OR6J1: variants seen among roughly 807,000 people sequenced by gnomAD.
The protein encoded by OR6J1 is olfactory receptor 6J1.
For missense variants in OR6J1, 304 were observed against 166.8 expected, an observed-to-expected ratio of 1.82 and a Z score of -4.53; for synonymous variants, 109 against 70.0, an observed-to-expected ratio of 1.56 and a Z score of -2.78.
intron 1 of OR6J1, 61 bp downstream of exon 1, chr14:22,644,037 T>A (rs2037672682): frequency 6.6e-6 from 1 of 152,294 alleles, no homozygotes; most frequent in Non-Finnish European, 1.5e-5. Flanking sequence ...CACCTGAGAT[T>A]ATAACAGGAA....
chr14:22,643,631 A>C (rs2037667093), intron 1 of OR6J1, among the ~76,000 whole-genome samples: 1 of 151,498 alleles, frequency 6.6e-6, no homozygotes, highest in Non-Finnish European at 1.5e-5. Context: ...AGCATGGATC[A>C]TTGCCAAGGA....
chr14:22,642,969 A>ATTTTTTT (rs776883380), intron 1 of OR6J1, among the ~76,000 whole-genome samples: 1 of 140,044 alleles, frequency 7.1e-6, no homozygotes. Context: ...CACCTGGATA[A>ATTTTTTT]TTTTTTTTTT....
rs72679812 is a variant in OR6J1 at position 22,631,343 on chromosome 14, A to G, written c.*2425T>C. ...AGTCTACAGACCATAAAAGACGGGC[A>G]CGCCCAGGGGGGCCGTCTATAGGAC... On this transcript the variant is annotated 3_prime_UTR_variant, in exon 2 of 2. Transcript: ENST00000540461. 35,304 of 151,404 alleles carry G rather than the reference A, an allele frequency of 0.23. 4,489 individuals are homozygous for G. The highest frequency in any genetic ancestry group is 0.33 in the African/African-American group (13,470 of 41,224). The allele number at this position is 151,404 out of a possible 1,614,324, so 9.4% of individuals were successfully genotyped here.
chr14:22,639,115 C>T (rs1367058211), intron 1 of OR6J1, among the ~76,000 whole-genome samples: 2 of 82,110 alleles, frequency 2.4e-5, no homozygotes, highest in East Asian at 3.0e-4. Context: ...AGTGAGGAGC[C>T]CCTCCGCCCG....
In OR6J1 at chr14:22,633,792, G is replaced by A. The variant is rs890842265; in HGVS notation, c.1020C>T (p.Val340=). The change falls in exon 2 of 2, where the codon GTC becomes GTT. Residue 340 remains valine, a synonymous_variant. Coordinates refer to ENST00000540461, the MANE Select transcript of OR6J1 (RefSeq NM_001348233.2). Reference sequence around the variant, plus strand: ...TCTAACACTGGAGCTTTACAGAATAGACACATGGTGGAGAAGAGCAAGCCC... The same window carrying A: ...TCTAACACTGGAGCTTTACAGAATAAACACATGGTGGAGAAGAGCAAGCCC... The part of the protein sequence containing the change: ...QGRACSSPPC[V]YSVKLQC 2 of 694,594 alleles carry A rather than the reference G, an allele frequency of 2.9e-6. No homozygotes were observed. Among genetic ancestry groups the A allele is most frequent in the African/African-American group, 3.5e-5 (2 of 57,006 alleles). The allele number at this position is 694,594 out of a possible 1,614,324, so 43.0% of individuals were successfully genotyped here.
At chr14:22,637,064 C>A (rs1277336332) in intron 1 of OR6J1, among the ~76,000 whole-genome samples, 1 of 121,688 alleles carries the variant, frequency 8.2e-6, no homozygotes, top group Non-Finnish European at 1.6e-5. Flanking sequence ...TCTGCCCCGC[C>A]GCCCTGTCTG....
At chr14:22,641,614 T>C (rs557158552) in intron 1 of OR6J1, among the ~76,000 whole-genome samples, 82 of 147,108 alleles carry the variant, frequency 5.6e-4, no homozygotes, top group African/African-American at 1.8e-3. Context: ...TATATATATA[T>C]ACATAGTTGG....
Position 22,631,778 on chromosome 14 carries a change from C to A in OR6J1, c.*1990G>T. On this transcript the variant is annotated 3_prime_UTR_variant, in exon 2 of 2. Coordinates refer to ENST00000540461, the MANE Select transcript of OR6J1 (RefSeq NM_001348233.2). ...TTCTTCTGCCATGGCTTCAGCCGGT[C>A]CCTCCGTTTGGGGTGCCTGACTTCC... is the stretch of plus-strand genomic sequence containing the variant. 1 of 154,096 alleles carries A rather than the reference C, an allele frequency of 6.5e-6. No homozygotes were observed. The highest frequency in any genetic ancestry group is 1.8e-4 in the South Asian group (1 of 5,484). The allele number at this position is 154,096 out of a possible 1,614,324, so 9.5% of individuals were successfully genotyped here.
chr14:22,643,744 C>CAA (rs2037668181), intron 1 of OR6J1, among the ~76,000 whole-genome samples: 1 of 101,380 alleles, frequency 9.9e-6, no homozygotes, highest in African/African-American at 3.9e-5. Flanking sequence ...CACACACACA[C>CAA]ACACACACAC....
intron 1 of OR6J1, among the ~76,000 whole-genome samples, chr14:22,643,714 AACACACACACACACACACACACACACAC>A (rs1183889876): frequency 1.2e-5 from 1 of 84,002 alleles, no homozygotes; most frequent in African/African-American, 4.5e-5. Context: ...GCATGGCAGA[AACACACACACACACACACACACACACAC>A]ACACACACAC....
At chr14:22,637,537 G>T (rs1444658590) in intron 1 of OR6J1, among the ~76,000 whole-genome samples, 5 of 36,024 alleles carry the variant, frequency 1.4e-4, no homozygotes, top group East Asian at 1.1e-3. Flanking sequence ...GAGGGGGGAG[G>T]GGGGGTCAGC....
In OR6J1 at chr14:22,634,145, T is replaced by G; in HGVS notation, c.667A>C (p.Thr223Pro). Residue 223 changes from threonine (T) to proline (P), a missense_variant, in exon 2 of 2, where the codon ACC (threonine) becomes CCC (proline). Thr to Pro is a conservative substitution (Grantham distance 38). Transcript: ENST00000540461. ...CTTGCAGAAGGAATGCGCACTATGG[T>G]CAAGATGATGTACGTATAGGAATAG... ...VAYSYTYIILTIVRIPSASGR... is the reference protein window; with the variant it reads ...VAYSYTYIILPIVRIPSASGR... 1 of 703,222 alleles carries G rather than the reference T, an allele frequency of 1.4e-6. No homozygotes were observed. The highest frequency in any genetic ancestry group is 2.6e-6 in the Non-Finnish European group (1 of 384,940). 43.6% of individuals were successfully genotyped at this position (703,222 alleles called of 1,614,324 possible). A position where few individuals can be genotyped will look rare whatever the true frequency, so the allele number is the denominator to read the frequency against.
chr14:22,635,743 G>A (rs1753431), intron 1 of OR6J1, among the ~76,000 whole-genome samples: 35,333 of 151,886 alleles, frequency 0.23, 4,395 homozygotes, highest in African/African-American at 0.32. Context: ...TTGTCCATAG[G>A]GGAAAAAGTA....
Position 22,633,598 on chromosome 14 carries a change from A to C in OR6J1, c.*170T>G. On this transcript the variant is annotated 3_prime_UTR_variant, in exon 2 of 2. Coordinates refer to ENST00000540461, the MANE Select transcript of OR6J1 (RefSeq NM_001348233.2). ...ATCAAGTCCAGCCCTGTTGCACTTC[A>C]GCTGAGAGTACTGAGAGTCAGAATG... The C allele has an allele frequency of 1.7e-6, 1 of 586,642 alleles. No individual in the cohort carries two copies. The highest frequency in any genetic ancestry group is 3.0e-6 in the Non-Finnish European group (1 of 332,020). The allele number at this position is 586,642 out of a possible 1,614,324, so 36.3% of individuals were successfully genotyped here.
chr14:22,641,564 G>GAA (rs797030311), intron 1 of OR6J1, among the ~76,000 whole-genome samples: 3 of 96,134 alleles, frequency 3.1e-5, no homozygotes, highest in African/African-American at 1.0e-4. Context: ...TAAAGAAAAA[G>GAA]AAAAAAGAAA....
At chr14:22,641,210 T>TAAAGCAAGAAAGAAAGA (rs1163938326) in intron 1 of OR6J1, among the ~76,000 whole-genome samples, 1 of 122,480 alleles carries the variant, frequency 8.2e-6, no homozygotes, top group African/African-American at 3.1e-5. Context: ...GAGAGAAAGA[T>TAAAGCAAGAAAGAAAGA]AAGAAAGAAA....
In OR6J1 at chr14:22,634,652, G is replaced by T; in HGVS notation, c.160C>A (p.Leu54Ile). Residue 54 changes from leucine (L) to isoleucine (I), a missense_variant, in exon 2 of 2, where the codon CTC (leucine) becomes ATC (isoleucine). Physicochemically the swap from Leu to Ile is conservative, Grantham distance 5 (BLOSUM62 2). Transcript: ENST00000540461. Reference sequence around the variant, plus strand: ...AAGAAGAAGTACATGGGGGTGTGGAGGCGGGAGCAGGACAGCACAGTGGAG... The same window carrying T: ...AAGAAGAAGTACATGGGGGTGTGGATGCGGGAGCAGGACAGCACAGTGGAG... ...IISTVLSCSR[L>I]HTPMYFFLCN... The T allele has an allele frequency of 2.7e-6, 2 of 744,026 alleles. No homozygotes were observed. The highest frequency in any genetic ancestry group is 1.4e-5 in the South Asian group (1 of 70,790). 46.1% of individuals were successfully genotyped at this position (744,026 alleles called of 1,614,324 possible).
At chr14:22,640,786 G>A (rs934578179) in intron 1 of OR6J1, among the ~76,000 whole-genome samples, 2 of 151,434 alleles carry the variant, frequency 1.3e-5, no homozygotes, top group African/African-American at 2.4e-5. Context: ...TTCCCAAAGT[G>A]TTGGGATCAT....
rs1183889876 is a variant in OR6J1, at chr14:22,643,714, AACACAC to A, written c.-28+378_-28+383del. On this transcript the variant is annotated intron_variant, in intron 1 of 1. Transcript: ENST00000540461. Reference sequence around the variant, plus strand: ...AAGCCCTGACCCCTGGCATGGCAGAAACACACACACACACACACACACACACACACA... The same window carrying A: ...AAGCCCTGACCCCTGGCATGGCAGAAACACACACACACACACACACACACA... Among the ~76,000 whole-genome samples the A allele has an allele frequency of 6.4e-3, 536 of 83,942 alleles. 28 individuals are homozygous for A. The highest frequency in any genetic ancestry group is 8.9e-3 in the African/African-American group (198 of 22,292). The allele number at this position is 83,942 out of a possible 152,430, so 55.1% of individuals were successfully genotyped here.
Sources: allele counts gnomAD v4.1 joint callset (sites outside exome capture counted in the v4.1 genomes callset), GRCh38; gene constraint gnomAD v4.1.1; transcripts MANE v1.5; gene names NCBI Gene and HGNC (gene_info 2026-07-23, HGNC 2026-07-21).